RAB11FIP4: variants seen among roughly 807,000 people sequenced by gnomAD.
RAB11FIP4 encodes RAB11 family interacting protein 4, also known as rab11 family-interacting protein 4.
RAB11FIP4 carries 23 observed loss-of-function variants against 74.3 expected under a neutral mutation model. The observed-to-expected ratio is 0.31, with a 90% CI of 0.22 to 0.44. The LOEUF (loss-of-function observed/expected upper bound fraction) is 0.44. RAB11FIP4 is among the 20% of genes least tolerant of loss of function. RAB11FIP4 has a pLI of 1.00. For synonymous variants in RAB11FIP4, 360 were observed against 359.9 expected, an observed-to-expected ratio of 1.00 and a Z score of 0.00; for missense variants, 630 against 863.9, an observed-to-expected ratio of 0.73 and a Z score of 3.39.
chr17:31,458,874 T>C (rs1410815684), intron 3 of RAB11FIP4, among the ~76,000 whole-genome samples: 2 of 152,084 alleles, frequency 1.3e-5, no homozygotes, highest in African/African-American at 4.8e-5. Flanking sequence ...CAGTGTGGGG[T>C]TTAGCTGGCA....
chr17:31,441,542 A>G (rs147323323), intron 3 of RAB11FIP4, among the ~76,000 whole-genome samples: 258 of 150,864 alleles, frequency 1.7e-3, no homozygotes, highest in African/African-American at 5.9e-3. Context: ...TTATTTATTT[A>G]TTGAAACAGG....
chr17:31,529,224 A>G (rs2072825526), intron 13 of RAB11FIP4, among the ~76,000 whole-genome samples: 2 of 150,902 alleles, frequency 1.3e-5, no homozygotes, highest in South Asian at 4.2e-4. Context: ...CAGTCTCCCT[A>G]GTAACTAGGA....
chr17:31,503,234 T>C (rs1351503580), intron 3 of RAB11FIP4, among the ~76,000 whole-genome samples: 1 of 149,776 alleles, frequency 6.7e-6, no homozygotes, highest in Non-Finnish European at 1.5e-5. Flanking sequence ...GATTTCAACA[T>C]GTTGGCCAGG....
chr17:31,495,644 G>A (rs1384719339), intron 3 of RAB11FIP4, among the ~76,000 whole-genome samples: 2 of 152,170 alleles, frequency 1.3e-5, no homozygotes, highest in East Asian at 1.9e-4. Flanking sequence ...TTACAGGCAT[G>A]AGCCACCATG....
chr17:31,399,927 CA>C (rs1399109893), intron 1 of RAB11FIP4, among the ~76,000 whole-genome samples: 3 of 151,072 alleles, frequency 2.0e-5, no homozygotes. Context: ...CCTGTTATCT[CA>C]GCTACTCGGG....
chr17:31,470,704 G>A (rs1567666694), intron 3 of RAB11FIP4, among the ~76,000 whole-genome samples: 1 of 152,198 alleles, frequency 6.6e-6, no homozygotes, highest in African/African-American at 2.4e-5. Context: ...TACTGAGTGG[G>A]CCTCTTAACT....
intron 3 of RAB11FIP4, among the ~76,000 whole-genome samples, chr17:31,454,771 C>A (rs2071563162): frequency 6.6e-6 from 1 of 152,124 alleles, no homozygotes; most frequent in Non-Finnish European, 1.5e-5. Context: ...GTAGTCCCAG[C>A]TACTCGGGTG....
At chr17:31,411,500 G>A (rs1187389163) in intron 1 of RAB11FIP4, among the ~76,000 whole-genome samples, 3 of 152,228 alleles carry the variant, frequency 2.0e-5, no homozygotes, top group Non-Finnish European at 4.4e-5. Flanking sequence ...TTCCCTCCAA[G>A]GGCTCGCATG....
intron 3 of RAB11FIP4, among the ~76,000 whole-genome samples, chr17:31,458,873 G>A (rs984487662): frequency 6.6e-6 from 1 of 152,208 alleles, no homozygotes; most frequent in African/African-American, 2.4e-5. Context: ...GCAGTGTGGG[G>A]TTTAGCTGGC....
intron 3 of RAB11FIP4, among the ~76,000 whole-genome samples, chr17:31,457,729 C>G (rs1234322927): frequency 2.0e-5 from 3 of 151,810 alleles, no homozygotes; most frequent in African/African-American, 7.3e-5. Flanking sequence ...ACCCCTCCTG[C>G]TGCCCTACCC....
chr17:31,469,179 A>G (rs11868735), intron 3 of RAB11FIP4, among the ~76,000 whole-genome samples: 30,404 of 152,162 alleles, frequency 0.2, 4,211 homozygotes, highest in African/African-American at 0.38. Context: ...TGCATTCATT[A>G]GCTCATCTAA....
At chr17:31,430,785 T>TG (rs1197796124) in intron 1 of RAB11FIP4, among the ~76,000 whole-genome samples, 1 of 151,996 alleles carries the variant, frequency 6.6e-6, no homozygotes, top group Non-Finnish European at 1.5e-5. Flanking sequence ...TATGACCAGG[T>TG]GGGGCTCCTG....
intron 3 of RAB11FIP4, among the ~76,000 whole-genome samples, chr17:31,437,219 C>T (rs1033087571): frequency 6.6e-6 from 1 of 152,130 alleles, no homozygotes; most frequent in African/African-American, 2.4e-5. Flanking sequence ...GACTCCATTC[C>T]CTACCATGGG....
intron 1 of RAB11FIP4, among the ~76,000 whole-genome samples, chr17:31,424,700 C>T (rs553842126): frequency 4.3e-4 from 65 of 152,108 alleles, no homozygotes; most frequent in African/African-American, 1.4e-3. Flanking sequence ...CTCAGCCTCC[C>T]AAGCAGCTGG....
rs1465060539 is a variant in RAB11FIP4 at position 31,536,459 on chromosome 17, G to A, written c.*4727G>A. On this transcript the variant is annotated 3_prime_UTR_variant, in exon 15 of 15. Coordinates refer to ENST00000621161, the MANE Select transcript of RAB11FIP4 (RefSeq NM_032932.6). ...CAGCGACTCTTTCTCAAGGGCTACT[G>A]TGGATTCTAGATTGAGGAAAGGGGC... The A allele has an allele frequency of 6.5e-6, 1 of 152,824 alleles. No individual in the cohort carries two copies. The highest frequency in any genetic ancestry group is 1.5e-5 in the Non-Finnish European group (1 of 68,498). The allele number at this position is 152,824 out of a possible 1,614,324, so 9.5% of individuals were successfully genotyped here. A position where few individuals can be genotyped will look rare whatever the true frequency, so the allele number is the denominator to read the frequency against.
chr17:31,435,756 C>T (rs1360218785), intron 3 of RAB11FIP4, among the ~76,000 whole-genome samples: 12 of 152,196 alleles, frequency 7.9e-5, no homozygotes, highest in Admixed American at 7.9e-4. Context: ...GGACACAGTG[C>T]TGAGGGCTGC....
intron 3 of RAB11FIP4, among the ~76,000 whole-genome samples, chr17:31,491,508 C>T (rs983635182): frequency 4.6e-5 from 7 of 152,096 alleles, no homozygotes; most frequent in African/African-American, 1.7e-4. Flanking sequence ...GGGAAGTCCT[C>T]ACTGAGAAGG....
At chr17:31,466,117 T>C (rs1597933380) in intron 3 of RAB11FIP4, among the ~76,000 whole-genome samples, 1 of 151,998 alleles carries the variant, frequency 6.6e-6, no homozygotes, top group Non-Finnish European at 1.5e-5. Context: ...GCACTCCAGC[T>C]TGGGTGACAG....
intron 10 of RAB11FIP4, chr17:31,525,511 A>G: frequency 2.3e-6 from 1 of 442,742 alleles, no homozygotes; most frequent in South Asian, 3.1e-5. Flanking sequence ...TGGGTCTCAC[A>G]TCCAGGCCTG....
Sources: gnomAD v4.1 joint callset for allele counts (sites outside exome capture counted in the v4.1 genomes callset) on GRCh38, gnomAD v4.1.1 for gene constraint, MANE v1.5 for transcripts, NCBI Gene and HGNC (gene_info 2026-07-23, HGNC 2026-07-21) for gene names.